Variants in GATAD1 observed in about 807,000 individuals in gnomAD.
The protein encoded by GATAD1 is GATA zinc finger domain-containing protein 1.
Under a neutral mutation model 26.5 loss-of-function variants are expected in GATAD1, and 12 were observed. That is an observed-to-expected ratio of 0.45 (90% CI 0.29 to 0.73). The LOEUF is 0.73. GATAD1 is among the 30% of genes least tolerant of loss of function. The pLI, the probability that GATAD1 is intolerant of heterozygous loss-of-function variation, is 0.10. For synonymous variants in GATAD1, 129 were observed against 133.1 expected (o/e 0.97, Z 0.21); for missense variants, 266 against 342.1 (o/e 0.78, Z 1.75).
the GATAD1 span, among the ~76,000 whole-genome samples, chr7:92,488,669 C>T: frequency 1.3e-5 from 2 of 151,706 alleles, no homozygotes; most frequent in Non-Finnish European, 2.9e-5. Context: ...ATTTTATAAA[C>T]TATACATTAG....
Position 92,456,748 on chromosome 7 carries a change from A to G in GATAD1, c.*186A>G. On this transcript the variant is annotated 3_prime_UTR_variant, in exon 5 of 5. Transcript: ENST00000287957. The stretch of plus-strand genomic sequence containing the variant: ...CACAAGATATGTCATAGGTATCTTT[A>G]AATGAAATTCTTAGCTGGAAAAGTG... The G allele has an allele frequency of 4.3e-6, 2 of 462,016 alleles. No individual in the cohort carries two copies. The highest frequency in any genetic ancestry group is 7.6e-6 in the Non-Finnish European group (2 of 264,796). The allele number at this position is 462,016 out of a possible 1,614,324, so 28.6% of individuals were successfully genotyped here. A position where few individuals can be genotyped will look rare whatever the true frequency, so the allele number is the denominator to read the frequency against.
chr7:92,466,265 C>G, the GATAD1 span, among the ~76,000 whole-genome samples: 3 of 152,158 alleles, frequency 2.0e-5, no homozygotes, highest in African/African-American at 4.8e-5. Context: ...CTCCCAGGCT[C>G]AAGTGATCCT....
chr7:92,468,496 C>T, the GATAD1 span: 3 of 288,128 alleles, frequency 1.0e-5, no homozygotes, highest in African/African-American at 2.2e-5. Flanking sequence ...ATATCCCGAT[C>T]ATTGTCCCTC....
At chr7:92,488,775 G>A in the GATAD1 span, among the ~76,000 whole-genome samples, 6 of 150,566 alleles carry the variant, frequency 4.0e-5, no homozygotes, top group Non-Finnish European at 8.8e-5. Flanking sequence ...TGTGGCCCAG[G>A]CTGGATGGAG....
At chr7:92,491,644 G>A in the GATAD1 span, 1 of 625,840 alleles carries the variant, frequency 1.6e-6, no homozygotes, top group African/African-American at 1.9e-5. Context: ...TTCTCTAACG[G>A]TTTTGAGGCA....
At chr7:92,463,068 T>A (rs772454650), downstream of GATAD1, 4 of 152,214 alleles carry the variant, frequency 2.6e-5, no homozygotes, top group Non-Finnish European at 2.9e-5. Flanking sequence ...GTAGAAGGAA[T>A]GAAATTCTGA....
chr7:92,454,644 C>G lies in GATAD1; in HGVS notation c.578C>G (p.Ser193Cys), dbSNP rs780188711. 5.4e-5 allele frequency: 87 copies of G among 1,609,024 alleles called. No homozygotes were observed. The highest frequency in any genetic ancestry group is 1.6e-4 in the Middle Eastern group (1 of 6,064). The change falls in exon 4 of 5, where the codon TCT (serine) becomes TGT (cysteine). Residue 193 changes from serine (S) to cysteine (C), a missense_variant. Transcript: ENST00000287957. ...CTGACGTGGCTCATTCCTACCCTCT[C>G]TAGCCCCAGAGACCAATTTGATCCC... ...AALTWLIPTL[S>C]SPRDQFDPAS...
chr7:92,455,128 A>T (rs1245657424), intron 4 of GATAD1, among the ~76,000 whole-genome samples: 1 of 152,136 alleles, frequency 6.6e-6, no homozygotes, highest in Non-Finnish European at 1.5e-5. Flanking sequence ...GATGCAATTC[A>T]GTCCATAACA....
At chr7:92,455,164 C>CA (rs952326323) in intron 4 of GATAD1, among the ~76,000 whole-genome samples, 1 of 151,894 alleles carries the variant, frequency 6.6e-6, no homozygotes, top group African/African-American at 2.4e-5. Context: ...TTATTAAGTA[C>CA]AAAAAAATTA....
At chr7:92,470,224 C>A in the GATAD1 span, 4 of 778,634 alleles carry the variant, frequency 5.1e-6, no homozygotes, top group South Asian at 5.4e-5. Context: ...AGAAAGACTC[C>A]TATACGATGG....
At position 92,458,412 on chromosome 7, in the gene GATAD1, T is replaced by C. The variant is rs1205971705; in HGVS notation, c.*1850T>C. 1 of 152,210 alleles carries C rather than the reference T, an allele frequency of 6.6e-6. No individual in the cohort carries two copies. The highest frequency in any genetic ancestry group is 2.4e-5 in the African/African-American group (1 of 41,450). The allele number at this position is 152,210 out of a possible 1,614,324, so 9.4% of individuals were successfully genotyped here. A position where few individuals can be genotyped will look rare whatever the true frequency, so the allele number is the denominator to read the frequency against. ...CATTGGTAGGCCATTAGCATTGATA[T>C]CTTTAAAACATCTACCCTAAACCAT... On this transcript the variant is annotated 3_prime_UTR_variant, in exon 5 of 5. Transcript: ENST00000287957.
At chr7:92,478,809 C>G in the GATAD1 span, among the ~76,000 whole-genome samples, 1 of 152,142 alleles carries the variant, frequency 6.6e-6, no homozygotes, top group Non-Finnish European at 1.5e-5. Context: ...TAGGTCCACC[C>G]AACATGGCCA....
rs2115845376 is a variant in GATAD1, at chr7:92,448,943, T to C, written c.375+66T>C. 3 of 1,480,468 alleles carry C rather than the reference T, an allele frequency of 2.0e-6. No individual in the cohort carries two copies. The South Asian group carries it at 3.4e-5, about 17-fold the overall frequency. 91.7% of individuals were successfully genotyped at this position (1,480,468 alleles called of 1,614,324 possible). Reference sequence around the variant, plus strand: ...TGTGTGTATCCTGCCACTGCCTTCATTTCTCACCATTGAACTTGGACTCTG... The same window carrying C: ...TGTGTGTATCCTGCCACTGCCTTCACTTCTCACCATTGAACTTGGACTCTG... On this transcript the variant is annotated intron_variant, in intron 2 of 4. Transcript: ENST00000287957.
the GATAD1 span, chr7:92,489,594 T>C: frequency 2.1e-5 from 22 of 1,028,562 alleles, no homozygotes; most frequent in Non-Finnish European, 3.3e-5. Context: ...ACTGAGTTAA[T>C]GTGTTCTGGT....
the GATAD1 span, chr7:92,470,537 A>T: frequency 3.6e-6 from 2 of 557,170 alleles, no homozygotes; most frequent in African/African-American, 3.8e-5. Context: ...TGTATCCAAG[A>T]CTCCACTCCA....
chr7:92,456,609 C>A lies in GATAD1; in HGVS notation c.*47C>A. On this transcript the variant is annotated 3_prime_UTR_variant, in exon 5 of 5. Coordinates refer to ENST00000287957, the MANE Select transcript of GATAD1 (RefSeq NM_021167.5). Reference sequence around the variant, plus strand: ...TCCAGGCCTGGTGTGGTGGCTCACGCCTGTAGCCCCAGCTATTGCACCACT... The same window carrying A: ...TCCAGGCCTGGTGTGGTGGCTCACGACTGTAGCCCCAGCTATTGCACCACT... The A allele has an allele frequency of 8.2e-7, 1 of 1,225,488 alleles. No homozygotes were observed. The highest frequency in any genetic ancestry group is 1.2e-6 in the Non-Finnish European group (1 of 847,226). The allele number at this position is 1,225,488 out of a possible 1,614,324, so 75.9% of individuals were successfully genotyped here.
At chr7:92,476,152 G>A in the GATAD1 span, among the ~76,000 whole-genome samples, 1 of 152,192 alleles carries the variant, frequency 6.6e-6, no homozygotes, top group South Asian at 2.1e-4. Flanking sequence ...AATCTGCTGG[G>A]TTAAGGGAAT....
chr7:92,461,832 TC>T (rs1789932089), downstream of GATAD1, among the ~76,000 whole-genome samples: 1 of 152,144 alleles, frequency 6.6e-6, no homozygotes, highest in Admixed American at 6.5e-5. Context: ...GAAGCCACCA[TC>T]TTTTCTATAA....
the GATAD1 span, chr7:92,487,372 T>G: frequency 1.4e-6 from 1 of 734,930 alleles, no homozygotes; most frequent in Non-Finnish European, 2.4e-6. Flanking sequence ...TAAGAAGAAA[T>G]TCATAGACAC....
Sources: allele counts gnomAD v4.1 joint callset (sites outside exome capture counted in the v4.1 genomes callset), GRCh38; gene constraint gnomAD v4.1.1; transcripts MANE v1.5; gene names NCBI Gene and HGNC (gene_info 2026-07-23, HGNC 2026-07-21).